FRRS1L: variants seen among roughly 807,000 people sequenced by gnomAD.
FRRS1L encodes ferric chelate reductase 1 like.
FRRS1L carries 22 observed loss-of-function variants against 28.6 expected under a neutral mutation model. That is an observed-to-expected ratio of 0.77 (90% CI 0.55 to 1.10). The LOEUF (loss-of-function observed/expected upper bound fraction) is 1.10, where lower values mean the gene tolerates loss of function less well. Among genes scored for constraint, FRRS1L ranks in the 50% least tolerant of loss-of-function variants. The probability of loss-of-function intolerance (pLI) is 0.00; values close to 1 mark genes in which losing one functional copy is unlikely to be tolerated. For synonymous variants in FRRS1L, 158 were observed against 151.4 expected (o/e 1.04, Z -0.32); for missense variants, 380 against 386.9 (o/e 0.98, Z 0.15).
At chr9:109,162,047 G>A (rs780298987) in intron 1 of FRRS1L, among the ~76,000 whole-genome samples, 12 of 152,196 alleles carry the variant, frequency 7.9e-5, no homozygotes, top group Non-Finnish European at 1.6e-4. Context: ...CAGACATGGT[G>A]GCTCACGCAT....
At chr9:109,141,737 G>T in intron 3 of FRRS1L, 148 bp from the exon 4 acceptor site, 1 of 759,340 alleles carries the variant, frequency 1.3e-6, no homozygotes, top group Non-Finnish European at 2.1e-6. Context: ...TCAACCAGGA[G>T]ACCAAAGTTA....
chr9:109,148,536 G>A (rs1001987399), intron 2 of FRRS1L: 1 of 152,192 alleles, frequency 6.6e-6, no homozygotes, highest in Non-Finnish European at 1.5e-5. Flanking sequence ...TGAAGCAATG[G>A]GTGGGACAAT....
intron 1 of FRRS1L, among the ~76,000 whole-genome samples, chr9:109,159,510 C>T (rs1450957843): frequency 6.6e-6 from 1 of 152,076 alleles, no homozygotes. Flanking sequence ...ACTAAAAATA[C>T]AAAAATTTGC....
At chr9:109,154,544 C>T (rs561074466) in intron 1 of FRRS1L, among the ~76,000 whole-genome samples, 2 of 152,146 alleles carry the variant, frequency 1.3e-5, no homozygotes, top group South Asian at 2.1e-4. Flanking sequence ...TTAGACAATT[C>T]TAATGGGAAA....
At chr9:109,164,217 G>A (rs1234185713) in intron 1 of FRRS1L, among the ~76,000 whole-genome samples, 1 of 152,044 alleles carries the variant, frequency 6.6e-6, no homozygotes, top group Non-Finnish European at 1.5e-5. Flanking sequence ...AGCACCCACC[G>A]GATGGTGGTA....
intron 1 of FRRS1L, among the ~76,000 whole-genome samples, chr9:109,157,723 G>A (rs1313934317): frequency 1.3e-5 from 2 of 152,132 alleles, no homozygotes; most frequent in Admixed American, 1.3e-4. Context: ...ATATTTTGCT[G>A]TACACCATTT....
chr9:109,146,097 T>C (rs1007836326), intron 3 of FRRS1L, among the ~76,000 whole-genome samples: 18 of 151,634 alleles, frequency 1.2e-4, no homozygotes, highest in Admixed American at 6.6e-4. Context: ...CTTGGGATGC[T>C]GAGGCAGGAG....
chr9:109,140,681 T>A (rs1831167809), intron 4 of FRRS1L: 1 of 152,090 alleles, frequency 6.6e-6, no homozygotes, highest in East Asian at 1.9e-4. Flanking sequence ...CAGAAGCCCT[T>A]CCTGTTCAGT....
rs1252401103 is a variant in FRRS1L at position 109,134,541 on chromosome 9, A to G, written c.*2914T>C. The G allele has an allele frequency of 2.6e-5, 4 of 152,232 alleles. No homozygotes were observed. Among genetic ancestry groups the G allele is most frequent in the Non-Finnish European group, 5.9e-5 (4 of 68,048 alleles). 9.4% of individuals were successfully genotyped at this position (152,232 alleles called of 1,614,324 possible). A position where few individuals can be genotyped will look rare whatever the true frequency, so the allele number is the denominator to read the frequency against. ...GAGAGCCTCTCAGTCTTGCTAAGACATAGCAAGTGAGGAGGAGTGGCAAAA... is the reference window on the plus strand; with the variant it reads ...GAGAGCCTCTCAGTCTTGCTAAGACGTAGCAAGTGAGGAGGAGTGGCAAAA... On this transcript the variant is annotated 3_prime_UTR_variant, in exon 5 of 5. Coordinates refer to ENST00000561981, the MANE Select transcript of FRRS1L (RefSeq NM_014334.4).
intron 1 of FRRS1L, among the ~76,000 whole-genome samples, chr9:109,163,179 C>T (rs1831500419): frequency 6.6e-6 from 1 of 152,168 alleles, no homozygotes; most frequent in Non-Finnish European, 1.5e-5. Context: ...AGCATTTGCC[C>T]ATAATCAAAT....
intron 4 of FRRS1L, 170 bp downstream of exon 4, chr9:109,141,159 GTATAATAAGTCCAT>G (rs1362770781): frequency 6.5e-5 from 41 of 628,514 alleles, no homozygotes; most frequent in Non-Finnish European, 9.1e-5. Flanking sequence ...TTGTTTGTCC[GTATAATAAGTCCAT>G]TATAATAAGT....
intron 3 of FRRS1L, among the ~76,000 whole-genome samples, chr9:109,144,361 G>C (rs887176258): frequency 2.6e-5 from 4 of 152,026 alleles, no homozygotes; most frequent in Admixed American, 1.3e-4. Context: ...TGCAAATCCT[G>C]TCAGTCAGTG....
At chr9:109,147,000 C>T (rs746091041) in intron 3 of FRRS1L, 51 bp downstream of exon 3, 1 of 1,550,130 alleles carries the variant, frequency 6.5e-7, no homozygotes, top group Non-Finnish European at 8.9e-7. Flanking sequence ...ATCAAAATAG[C>T]ACAGCCAACT....
intron 1 of FRRS1L, among the ~76,000 whole-genome samples, chr9:109,159,580 G>A (rs905739162): frequency 1.3e-5 from 2 of 152,192 alleles, no homozygotes; most frequent in African/African-American, 4.8e-5. Context: ...CAGGAGAATC[G>A]CTTGAACCTG....
At chr9:109,159,833 C>T (rs1831458847) in intron 1 of FRRS1L, among the ~76,000 whole-genome samples, 1 of 152,176 alleles carries the variant, frequency 6.6e-6, no homozygotes, top group African/African-American at 2.4e-5. Flanking sequence ...TTGCAAACAT[C>T]AGCTCATCTC....
chr9:109,155,702 T>G (rs1366076148), intron 1 of FRRS1L, among the ~76,000 whole-genome samples: 1 of 62,604 alleles, frequency 1.6e-5, no homozygotes, highest in African/African-American at 6.8e-5. Context: ...AGACTCCATC[T>G]CAAAAAAAAA....
At chr9:109,141,131 A>C (rs1831179902) in intron 4 of FRRS1L, 4 of 596,588 alleles carry the variant, frequency 6.7e-6, no homozygotes, top group Non-Finnish European at 1.2e-5. Context: ...GTAGCTTTGC[A>C]TGTGTGTAAC....
intron 1 of FRRS1L, among the ~76,000 whole-genome samples, 191 bp downstream of exon 1, chr9:109,166,710 C>A (rs867669617): frequency 7.8e-4 from 119 of 152,154 alleles, no homozygotes; most frequent in African/African-American, 2.7e-3. Flanking sequence ...GCTCTTTGGG[C>A]CTTTCCTCCA....
chr9:109,167,101 G>A lies in FRRS1L; in HGVS notation c.38C>T (p.Ala13Val). 8.5e-7 allele frequency: 1 copy of A among 1,179,856 alleles called. No individual in the cohort carries two copies. Among genetic ancestry groups the A allele is most frequent in the Non-Finnish European group, 1.0e-6 (1 of 955,792 alleles). The allele number at this position is 1,179,856 out of a possible 1,614,324, so 73.1% of individuals were successfully genotyped here. A position where few individuals can be genotyped will look rare whatever the true frequency, so the allele number is the denominator to read the frequency against. Residue 13 changes from alanine (A) to valine (V), a missense_variant, in exon 1 of 5, where the codon GCG becomes GTG. Ala to Val is a moderately conservative substitution (Grantham distance 64, BLOSUM62 0). Transcript: ENST00000561981. The part of the protein sequence containing the change: ...RPPRQHPGVW[A>V]SLLLLLLTGP... ...CGTCAGTAGCAGCAGGAGCAGCGAC[G>A]CCCAGACCCCCGGGTGCTGCCGGGG...
Sources: gnomAD v4.1 joint callset for allele counts (sites outside exome capture counted in the v4.1 genomes callset) on GRCh38, gnomAD v4.1.1 for gene constraint, MANE v1.5 for transcripts, NCBI Gene and HGNC (gene_info 2026-07-23, HGNC 2026-07-21) for gene names.